ELMO1: variants seen among roughly 807,000 people sequenced by gnomAD.
ELMO1 encodes the protein engulfment and cell motility 1.
A neutral mutation model predicts 98.9 loss-of-function variants in ELMO1; 26 were observed. The ratio of observed to expected loss-of-function variants is 0.26; its 90% CI spans 0.19 to 0.36. The LOEUF (loss-of-function observed/expected upper bound fraction) is 0.36, where lower values mean the gene tolerates loss of function less well. Ranked by LOEUF, ELMO1 falls within the 10% of genes least tolerant of loss-of-function variation. ELMO1 has a pLI of 1.00. For synonymous variants in ELMO1, 346 were observed against 346.0 expected (o/e 1.00, Z 0.00); for missense variants, 627 against 935.2 (o/e 0.67, Z 4.30).
intron 16 of ELMO1, among the ~76,000 whole-genome samples, chr7:36,914,730 T>C (rs527681636): frequency 2.6e-5 from 4 of 152,196 alleles, no homozygotes; most frequent in African/African-American, 9.6e-5. Context: ...GCCAGGATGG[T>C]CTCGATCTTT....
chr7:37,110,263 C>A (rs1179467969), intron 14 of ELMO1, among the ~76,000 whole-genome samples: 1 of 152,130 alleles, frequency 6.6e-6, no homozygotes, highest in Non-Finnish European at 1.5e-5. Context: ...ATTAAGCCTG[C>A]CAAGGCGAAG....
chr7:37,335,409 A>G (rs561198764), intron 2 of ELMO1, among the ~76,000 whole-genome samples: 3 of 152,250 alleles, frequency 2.0e-5, no homozygotes, highest in Admixed American at 2.0e-4. Context: ...TATAAAACAG[A>G]GGGGTACCTG....
chr7:37,003,747 A>C (rs1792849909), intron 16 of ELMO1, among the ~76,000 whole-genome samples: 1 of 152,228 alleles, frequency 6.6e-6, no homozygotes, highest in South Asian at 2.1e-4. Flanking sequence ...AAGCACCTGG[A>C]TCTGGTATTC....
intron 13 of ELMO1, among the ~76,000 whole-genome samples, chr7:37,143,405 TTTTA>T (rs1419133117): frequency 9.2e-5 from 14 of 152,176 alleles, no homozygotes; most frequent in South Asian, 8.3e-4. Context: ...AGATCCATCT[TTTTA>T]TTTATTTATT....
At chr7:37,449,246 A>G (rs191190871), upstream of ELMO1, 3 of 152,328 alleles carry the variant, frequency 2.0e-5, no homozygotes, top group East Asian at 5.8e-4. Flanking sequence ...TGGAGGCACT[A>G]ATTAACTCCG....
At chr7:36,945,647 A>C (rs1170803574) in intron 16 of ELMO1, among the ~76,000 whole-genome samples, 1 of 152,186 alleles carries the variant, frequency 6.6e-6, no homozygotes, top group Non-Finnish European at 1.5e-5. Flanking sequence ...TAAATCGGGC[A>C]AATTTCCCCA....
chr7:37,216,111 A>T (rs75718909), intron 11 of ELMO1, among the ~76,000 whole-genome samples: 3,143 of 149,172 alleles, frequency 0.021, 120 homozygotes, highest in African/African-American at 0.074. Flanking sequence ...TTATTTCTAA[A>T]CATTTGCAAG....
intron 13 of ELMO1, among the ~76,000 whole-genome samples, chr7:37,189,623 C>T (rs968236758): frequency 4.6e-5 from 7 of 152,022 alleles, no homozygotes; most frequent in Admixed American, 6.6e-5. Context: ...TAACTCTCTC[C>T]GTGAAATCAG....
intron 1 of ELMO1, among the ~76,000 whole-genome samples, chr7:37,381,398 C>T (rs957467480): frequency 1.3e-5 from 2 of 152,144 alleles, no homozygotes; most frequent in African/African-American, 4.8e-5. Flanking sequence ...GTTCCAGTAC[C>T]AAAGGCAGAG....
intron 13 of ELMO1, among the ~76,000 whole-genome samples, chr7:37,146,027 C>T (rs980839375): frequency 6.6e-6 from 1 of 152,108 alleles, no homozygotes; most frequent in Non-Finnish European, 1.5e-5. Context: ...CTTAGATGCA[C>T]CTGAAAATCC....
At chr7:37,211,248 A>G (rs995419853) in intron 13 of ELMO1, 138 bp downstream of exon 13, 1 of 1,253,366 alleles carries the variant, frequency 8.0e-7, no homozygotes. Flanking sequence ...TGTTTAAACC[A>G]GCTAAACATC....
chr7:36,936,081 C>G (rs1268405668), intron 16 of ELMO1, among the ~76,000 whole-genome samples: 1 of 152,186 alleles, frequency 6.6e-6, no homozygotes, highest in East Asian at 1.9e-4. Context: ...CCACCCACCT[C>G]CAGAGGTAGC....
intron 16 of ELMO1, among the ~76,000 whole-genome samples, chr7:36,922,767 A>T (rs1360679886): frequency 6.6e-6 from 1 of 152,178 alleles, no homozygotes; most frequent in African/African-American, 2.4e-5. Context: ...GCATCGATCA[A>T]GGCCTAAGAA....
At chr7:37,207,534 G>C in intron 13 of ELMO1, among the ~76,000 whole-genome samples, 1 of 152,134 alleles carries the variant, frequency 6.6e-6, no homozygotes. Flanking sequence ...CTGGGTGACA[G>C]AGCGAGACTC....
At chr7:36,872,015 G>A (rs762430631) in intron 19 of ELMO1, among the ~76,000 whole-genome samples, 25 of 152,190 alleles carry the variant, frequency 1.6e-4, no homozygotes, top group Non-Finnish European at 2.9e-4. Flanking sequence ...GGACCCTTCT[G>A]GTAGACATTA....
At chr7:37,319,619 C>T (rs994163073) in intron 2 of ELMO1, among the ~76,000 whole-genome samples, 1 of 152,204 alleles carries the variant, frequency 6.6e-6, no homozygotes, top group Non-Finnish European at 1.5e-5. Flanking sequence ...CAAAATCGTA[C>T]CTTCCATCAG....
intron 2 of ELMO1, among the ~76,000 whole-genome samples, chr7:37,336,672 CAAG>C (rs1051758075): frequency 1.1e-4 from 17 of 151,976 alleles, no homozygotes; most frequent in Non-Finnish European, 1.9e-4. Context: ...GGGAGAGTTT[CAAG>C]AAGATGAGAA....
intron 6 of ELMO1, among the ~76,000 whole-genome samples, chr7:37,249,313 C>A (rs968708648): frequency 6.6e-6 from 1 of 152,206 alleles, no homozygotes; most frequent in Non-Finnish European, 1.5e-5. Context: ...TACATACACA[C>A]AGCACTAGAC....
At chr7:37,070,750 T>C (rs1337601032) in intron 15 of ELMO1, among the ~76,000 whole-genome samples, 1 of 152,204 alleles carries the variant, frequency 6.6e-6, no homozygotes, top group South Asian at 2.1e-4. Flanking sequence ...TGGCTCACCC[T>C]GTGGAACTAA....
Sources: allele counts gnomAD v4.1 joint callset (sites outside exome capture counted in the v4.1 genomes callset), GRCh38; gene constraint gnomAD v4.1.1; transcripts MANE v1.5; gene names NCBI Gene and HGNC (gene_info 2026-07-23, HGNC 2026-07-21).